The following RFTN1 variants were observed in gnomAD, a reference collection of about 807,000 sequenced individuals.
RFTN1 encodes raftlin, lipid raft linker 1.
In RFTN1, 26 loss-of-function variants were observed where a neutral mutation model predicts 46.5. That is an observed-to-expected ratio of 0.56 (90% CI 0.41 to 0.78). The LOEUF is 0.78. RFTN1 is among the 30% of genes least tolerant of loss of function. The pLI, the probability that RFTN1 is intolerant of heterozygous loss-of-function variation, is 0.00. For missense variants in RFTN1, 693 were observed against 718.7 expected, an observed-to-expected ratio of 0.96 and a Z score of 0.41; for synonymous variants, 261 against 284.2, an observed-to-expected ratio of 0.92 and a Z score of 0.82.
rs1376061163 is a variant in RFTN1 at position 16,507,820 on chromosome 3, T to TACACACACACACAC, written c.-9+5621_-9+5622insGTGTGTGTGTGTGT. ...ACACACACAAACGCACATACATACA[T>TACACACACACACAC]ACATACACACACACACACATACACA... On this transcript the variant is annotated intron_variant, in intron 1 of 9. Coordinates refer to ENST00000334133, the MANE Select transcript of RFTN1 (RefSeq NM_015150.2). The surrounding 1 kb of genome is among the most constrained non-coding windows in gnomAD (Gnocchi z 7.1). Among the ~76,000 whole-genome samples the TACACACACACACAC allele has an allele frequency of 8.1e-6, 1 of 123,646 alleles. No individual in the cohort carries two copies. Among genetic ancestry groups the TACACACACACACAC allele is most frequent in the Non-Finnish European group, 1.7e-5 (1 of 57,404 alleles). 81.1% of individuals were successfully genotyped at this position (123,646 alleles called of 152,430 possible).
chr3:16,468,115 A>T lies in RFTN1; in HGVS notation c.145+25610T>A, dbSNP rs779806659. Among the ~76,000 whole-genome samples, 1 of 152,158 alleles carries T rather than the reference A, an allele frequency of 6.6e-6. No individual in the cohort carries two copies. Among genetic ancestry groups the T allele is most frequent in the African/African-American group, 2.4e-5 (1 of 41,416 alleles). ...AGAAACATCAATATGGAGACTGCAG[A>T]CCCCAGAATGATAACAGGGTGAGCT... On this transcript the variant is annotated intron_variant, in intron 2 of 9. Transcript: ENST00000334133. The surrounding 1 kb of genome is among the most constrained non-coding windows in gnomAD (Gnocchi z 4.4).
At position 16,443,221 on chromosome 3, in the gene RFTN1, C is replaced by T. The variant is rs1485504750; in HGVS notation, c.146-9184G>A. ...GCAAGGGTTCTCTTATACTTCACAT[C>T]CTCACCAACACTTCTTATCTCTTGT... is the stretch of plus-strand genomic sequence containing the variant. On this transcript the variant is annotated intron_variant, in intron 2 of 9. Transcript: ENST00000334133. This position sits in a 1 kb window ranked among gnomAD's most constrained non-coding sequence, Gnocchi z 5.5. Among the ~76,000 whole-genome samples, 1 of 152,186 alleles carries T rather than the reference C, an allele frequency of 6.6e-6. No individual in the cohort carries two copies. The highest frequency in any genetic ancestry group is 1.5e-5 in the Non-Finnish European group (1 of 68,026).
In RFTN1 at chr3:16,317,739, C is replaced by T. The variant is rs1197968702; in HGVS notation, c.1333-507G>A. On this transcript the variant is annotated intron_variant, in intron 9 of 9. Transcript: ENST00000334133. The surrounding 1 kb of genome is among the most constrained non-coding windows in gnomAD (Gnocchi z 4.3). The stretch of plus-strand genomic sequence containing the variant: ...CTGTGCTGTACCGCTCAGATCCCCC[C>T]ACAGGACTGGCGGGCCCGCTCCCCA... 6.6e-6 allele frequency among the ~76,000 whole-genome samples: 1 copy of T among 150,930 alleles called. No homozygotes were observed. Among genetic ancestry groups the T allele is most frequent in the African/African-American group, 2.5e-5 (1 of 40,350 alleles).
Position 16,413,004 on chromosome 3 carries a change from CA to C in RFTN1, c.333-3522del, listed in dbSNP as rs566571088. On this transcript the variant is annotated intron_variant, in intron 3 of 9. Transcript: ENST00000334133. This position sits in a 1 kb window ranked among gnomAD's most constrained non-coding sequence, Gnocchi z 4.7. Reference sequence around the variant, plus strand: ...ATTACAGCCTGATAAAATTCTGAAGCAAAGAACCCTGATAAACTACAGAAAC... The same window carrying C: ...ATTACAGCCTGATAAAATTCTGAAGCAAGAACCCTGATAAACTACAGAAAC... Among the ~76,000 whole-genome samples, 495 of 152,298 alleles carry C rather than the reference CA, an allele frequency of 3.3e-3. 3 individuals are homozygous for C. The highest frequency in any genetic ancestry group is 5.9e-3 in the Non-Finnish European group (400 of 68,024).
At chr3:16,503,476 T>C (rs954113060) in intron 1 of RFTN1, among the ~76,000 whole-genome samples, 1 of 152,250 alleles carries the variant, frequency 6.6e-6, no homozygotes, top group African/African-American at 2.4e-5. Context: ...CAGAGCACCA[T>C]TATTTTTAAA....
Position 16,465,041 on chromosome 3 carries a change from G to C in RFTN1, c.145+28684C>G, listed in dbSNP as rs1045887393. Among the ~76,000 whole-genome samples, 6 of 152,132 alleles carry C rather than the reference G, an allele frequency of 3.9e-5. No homozygotes were observed. Among genetic ancestry groups the C allele is most frequent in the Admixed American group, 2.0e-4 (3 of 15,274 alleles). On this transcript the variant is annotated intron_variant, in intron 2 of 9. Transcript: ENST00000334133. This position sits in a 1 kb window ranked among gnomAD's most constrained non-coding sequence, Gnocchi z 5.1. ...TTTTTTAAGATTAACACAACAAGGA[G>C]AGAGACAGAGGGGAATGAGTCTGAA...
chr3:16,366,079 G>A (rs766359999), intron 6 of RFTN1, among the ~76,000 whole-genome samples: 1 of 152,182 alleles, frequency 6.6e-6, no homozygotes, highest in African/African-American at 2.4e-5. Flanking sequence ...CAGGGGTGTG[G>A]AGCAGGGAAG....
At chr3:16,396,297 AT>A (rs1488638591) in intron 4 of RFTN1, among the ~76,000 whole-genome samples, 2 of 152,048 alleles carry the variant, frequency 1.3e-5, no homozygotes, top group South Asian at 2.1e-4. Context: ...ATTAAAAAAA[AT>A]TTTTTTTAGA....
Position 16,330,353 on chromosome 3 carries a change from T to C in RFTN1, c.1147-3477A>G, listed in dbSNP as rs546719394. On this transcript the variant is annotated intron_variant, in intron 7 of 9. Transcript: ENST00000334133. ...CACAGCCCGTTTGCATATTTATCAA[T>C]ATAGTAAAGAGATGGCATTTCTAAA... 5.3e-5 allele frequency among the ~76,000 whole-genome samples: 8 copies of C among 152,332 alleles called. No individual in the cohort carries two copies. In the South Asian group the frequency reaches 1.7e-3, roughly 32 times the overall value.
intron 7 of RFTN1, among the ~76,000 whole-genome samples, chr3:16,333,925 G>A (rs2070588690): frequency 6.6e-6 from 1 of 152,210 alleles, no homozygotes; most frequent in Non-Finnish European, 1.5e-5. Context: ...CAGCACTTTG[G>A]GAGGCCGACG....
Position 16,327,464 on chromosome 3 carries a change from A to C in RFTN1, c.1147-588T>G, listed in dbSNP as rs1202397437. Reference sequence around the variant, plus strand: ...GGAACTAACATTTGTCTTTCAGTTAAAAAACTCAGCCCCGGCCGGGTGCTG... The same window carrying C: ...GGAACTAACATTTGTCTTTCAGTTACAAAACTCAGCCCCGGCCGGGTGCTG... On this transcript the variant is annotated intron_variant, in intron 7 of 9. Coordinates refer to ENST00000334133, the MANE Select transcript of RFTN1 (RefSeq NM_015150.2). The surrounding 1 kb of genome is among the most constrained non-coding windows in gnomAD (Gnocchi z 4.2). 6.6e-6 allele frequency among the ~76,000 whole-genome samples: 1 copy of C among 152,206 alleles called. No individual in the cohort carries two copies. The highest frequency in any genetic ancestry group is 1.5e-5 in the Non-Finnish European group (1 of 68,036).
At chr3:16,455,029 CA>C (rs2075881599) in intron 2 of RFTN1, among the ~76,000 whole-genome samples, 2 of 152,270 alleles carry the variant, frequency 1.3e-5, no homozygotes, top group South Asian at 4.2e-4. Context: ...CCAGGTCTTC[CA>C]AGGGTAAGGA....
rs1037112516 is a variant in RFTN1, at chr3:16,468,051, C to G, written c.145+25674G>C. ...CTTCATAAATCAAGTCTGCCAGACT[C>G]AAAGACTGGAACATTCAGGAAGTGC... On this transcript the variant is annotated intron_variant, in intron 2 of 9. Transcript: ENST00000334133. This position sits in a 1 kb window ranked among gnomAD's most constrained non-coding sequence, Gnocchi z 4.4. Among the ~76,000 whole-genome samples, 1 of 152,162 alleles carries G rather than the reference C, an allele frequency of 6.6e-6. No individual in the cohort carries two copies. Among genetic ancestry groups the G allele is most frequent in the African/African-American group, 2.4e-5 (1 of 41,440 alleles).
chr3:16,343,677 T>C (rs1379280793), intron 7 of RFTN1, among the ~76,000 whole-genome samples: 2 of 152,248 alleles, frequency 1.3e-5, no homozygotes, highest in African/African-American at 4.8e-5. Context: ...TTCTAAGCAG[T>C]GCTAACCTCA....
At position 16,321,506 on chromosome 3, in the gene RFTN1, T is replaced by G. The variant is rs2069050529; in HGVS notation, c.1332+1870A>C. On this transcript the variant is annotated intron_variant, in intron 9 of 9. Coordinates refer to ENST00000334133, the MANE Select transcript of RFTN1 (RefSeq NM_015150.2). The surrounding 1 kb of genome is among the most constrained non-coding windows in gnomAD (Gnocchi z 4.8). ...ACCAGGGGACACAGGCCTGTGGGAG[T>G]AGGACGCTGACCCTTGTCAGCTGAG... Among the ~76,000 whole-genome samples the G allele has an allele frequency of 6.6e-6, 1 of 151,132 alleles. No homozygotes were observed. Among genetic ancestry groups the G allele is most frequent in the African/African-American group, 2.4e-5 (1 of 40,982 alleles).
In RFTN1 at chr3:16,479,271, A is replaced by C. The variant is rs2076329460; in HGVS notation, c.145+14454T>G. On this transcript the variant is annotated intron_variant, in intron 2 of 9. Transcript: ENST00000334133. This position sits in a 1 kb window ranked among gnomAD's most constrained non-coding sequence, Gnocchi z 5.1. The stretch of plus-strand genomic sequence containing the variant: ...CTTCTGAATTCACACTTTATATCCA[A>C]GAAAGTAAATGGTATTAAGAAAAAA... Among the ~76,000 whole-genome samples, 1 of 152,230 alleles carries C rather than the reference A, an allele frequency of 6.6e-6. No individual in the cohort carries two copies. Among genetic ancestry groups the C allele is most frequent in the South Asian group, 2.1e-4 (1 of 4,832 alleles).
In RFTN1 at chr3:16,488,572, G is replaced by A. The variant is rs1439360724; in HGVS notation, c.145+5153C>T. Among the ~76,000 whole-genome samples, 5 of 152,166 alleles carry A rather than the reference G, an allele frequency of 3.3e-5. No homozygotes were observed. The East Asian group carries it at 9.6e-4, about 29-fold the overall frequency. ...AATCTGCTATGGTTAAAACCTTATG[G>A]AAGAGGAATCTTCTTATACCATTCT... On this transcript the variant is annotated intron_variant, in intron 2 of 9. Transcript: ENST00000334133.
In RFTN1 at chr3:16,382,755, G is replaced by A. The variant is rs895095947; in HGVS notation, c.442-4653C>T. 2.0e-5 allele frequency among the ~76,000 whole-genome samples: 3 copies of A among 152,094 alleles called. No individual in the cohort carries two copies. Among genetic ancestry groups the A allele is most frequent in the African/African-American group, 7.2e-5 (3 of 41,406 alleles). ...CACCCTACCACATTTATCCCCCAGT[G>A]TTTCTGGAATTACTTCCTCCTTCTC... On this transcript the variant is annotated intron_variant, in intron 4 of 9. Coordinates refer to ENST00000334133, the MANE Select transcript of RFTN1 (RefSeq NM_015150.2). This position sits in a 1 kb window ranked among gnomAD's most constrained non-coding sequence, Gnocchi z 4.7.
In RFTN1 at chr3:16,512,857, G is replaced by C. The variant is rs1693721654; in HGVS notation, c.-9+585C>G. 1.3e-5 allele frequency: 2 copies of C among 152,172 alleles called. No individual in the cohort carries two copies. Among genetic ancestry groups the C allele is most frequent in the African/African-American group, 4.8e-5 (2 of 41,376 alleles). The allele number at this position is 152,172 out of a possible 1,614,324, so 9.4% of individuals were successfully genotyped here. A position where few individuals can be genotyped will look rare whatever the true frequency, so the allele number is the denominator to read the frequency against. ...TCCCTGTGCTTCTGGTGGTTCCGGC[G>C]CTTCCTCGGAGCGCGCGGCATGTCT... On this transcript the variant is annotated intron_variant, in intron 1 of 9. Coordinates refer to ENST00000334133, the MANE Select transcript of RFTN1 (RefSeq NM_015150.2). This position sits in a 1 kb window ranked among gnomAD's most constrained non-coding sequence, Gnocchi z 4.3.
Sources: gnomAD v4.1 joint callset for allele counts (sites outside exome capture counted in the v4.1 genomes callset) on GRCh38, gnomAD v4.1.1 for gene constraint, Gnocchi (gnomAD v3.1) non-coding constraint, MANE v1.5 for transcripts, NCBI Gene and HGNC (gene_info 2026-07-23, HGNC 2026-07-21) for gene names.